Variants in LMO1 observed in about 807,000 individuals in gnomAD.
LMO1 encodes LIM domain only 1.
LMO1 carries 10 observed loss-of-function variants against 18.0 expected under a neutral mutation model. The observed-to-expected ratio is 0.55, with a 90% CI of 0.34 to 0.94. The LOEUF is 0.94. LMO1 is among the 40% of genes least tolerant of loss of function. The pLI, the probability that LMO1 is intolerant of heterozygous loss-of-function variation, is 0.02. For synonymous variants in LMO1, 77 were observed against 77.9 expected (o/e 0.99, Z 0.06); for missense variants, 183 against 205.7 (o/e 0.89, Z 0.68).
intron 1 of LMO1, among the ~76,000 whole-genome samples, chr11:8,234,227 C>T (rs1033399070): frequency 2.8e-4 from 43 of 152,240 alleles, no homozygotes; most frequent in African/African-American, 1.0e-3. Context: ...AGAAGCCTCC[C>T]AGTCTGACTC....
chr11:8,224,582 T>C lies in LMO1; in HGVS notation c.*34A>G. The C allele has an allele frequency of 7.2e-7, 1 of 1,394,132 alleles. No individual in the cohort carries two copies. Among genetic ancestry groups the C allele is most frequent in the Non-Finnish European group, 1.0e-6 (1 of 1,003,262 alleles). 86.4% of individuals were successfully genotyped at this position (1,394,132 alleles called of 1,614,324 possible). A position where few individuals can be genotyped will look rare whatever the true frequency, so the allele number is the denominator to read the frequency against. On this transcript the variant is annotated 3_prime_UTR_variant, in exon 4 of 4. Coordinates refer to ENST00000335790, the MANE Select transcript of LMO1 (RefSeq NM_002315.3). ...CCAGGCAGGTGGGCAGGCGGGCAGATGGACAGACGGGCCTGGAGGCCAGGC... is the reference window on the plus strand; with the variant it reads ...CCAGGCAGGTGGGCAGGCGGGCAGACGGACAGACGGGCCTGGAGGCCAGGC...
chr11:8,262,501 G>A (rs535980435), intron 1 of LMO1, among the ~76,000 whole-genome samples: 1 of 152,186 alleles, frequency 6.6e-6, no homozygotes, highest in Admixed American at 6.5e-5. Flanking sequence ...GTAAGGCTTT[G>A]GGGTCTATGG....
intron 1 of LMO1, among the ~76,000 whole-genome samples, chr11:8,248,027 G>T (rs1235974276): frequency 6.6e-6 from 1 of 152,008 alleles, no homozygotes; most frequent in Non-Finnish European, 1.5e-5. Flanking sequence ...GGATGTTCTG[G>T]GTCTTAACTT....
chr11:8,253,014 A>G (rs1023819180), intron 1 of LMO1, among the ~76,000 whole-genome samples: 1 of 152,238 alleles, frequency 6.6e-6, no homozygotes, highest in African/African-American at 2.4e-5. Context: ...GGCCCTGCAG[A>G]CAGCTCTCTG....
intron 1 of LMO1, among the ~76,000 whole-genome samples, chr11:8,236,007 C>A (rs1952755299): frequency 6.6e-6 from 1 of 152,200 alleles, no homozygotes; most frequent in Non-Finnish European, 1.5e-5. Flanking sequence ...CATAGTCCAG[C>A]TCCACCCAAA....
upstream of LMO1, among the ~76,000 whole-genome samples, chr11:8,264,267 C>T (rs1226998334): frequency 6.6e-6 from 1 of 152,014 alleles, no homozygotes; most frequent in Non-Finnish European, 1.5e-5. Flanking sequence ...CTGACCCCAG[C>T]AGCACCCCCA....
At chr11:8,267,576 T>C (rs1847273995), upstream of LMO1, among the ~76,000 whole-genome samples, 1 of 151,948 alleles carries the variant, frequency 6.6e-6, no homozygotes, top group Non-Finnish European at 1.5e-5. Flanking sequence ...AGGGTAGGAG[T>C]TGGACCCAGG....
intron 1 of LMO1, among the ~76,000 whole-genome samples, chr11:8,234,302 C>T (rs1042569445): frequency 5.3e-5 from 8 of 152,136 alleles, no homozygotes; most frequent in African/African-American, 1.2e-4. Context: ...GTCCAGGTGA[C>T]GGGGACGCAC....
intron 1 of LMO1, among the ~76,000 whole-genome samples, chr11:8,253,173 G>A (rs1047126764): frequency 3.3e-5 from 5 of 152,210 alleles, no homozygotes; most frequent in Non-Finnish European, 7.3e-5. Flanking sequence ...AGGAAAGTGG[G>A]AGAAGCTGCC....
upstream of LMO1, chr11:8,268,605 G>A: frequency 2.2e-6 from 1 of 446,416 alleles, no homozygotes; most frequent in Admixed American, 4.7e-5. Flanking sequence ...ACCGGAGTCC[G>A]GAGCGCAGCC....
chr11:8,253,590 CCA>C (rs1210209054), intron 1 of LMO1, among the ~76,000 whole-genome samples: 1 of 151,994 alleles, frequency 6.6e-6, no homozygotes, highest in East Asian at 1.9e-4. Flanking sequence ...GCAGGTAGCC[CCA>C]CACAGTCCTT....
intron 1 of LMO1, among the ~76,000 whole-genome samples, chr11:8,262,138 G>GC (rs765890909): frequency 6.6e-6 from 1 of 152,212 alleles, no homozygotes; most frequent in Non-Finnish European, 1.5e-5. Flanking sequence ...TAACAACGCT[G>GC]CCCCAGGGAC....
intron 1 of LMO1, among the ~76,000 whole-genome samples, chr11:8,235,890 T>C (rs1382878128): frequency 6.6e-6 from 1 of 152,272 alleles, no homozygotes; most frequent in Non-Finnish European, 1.5e-5. Context: ...CTCTGATTAG[T>C]GTCACTCTCC....
At position 8,261,541 on chromosome 11, in the gene LMO1, G is replaced by A. The variant is rs553927933; in HGVS notation, c.25+1797C>T. Among the ~76,000 whole-genome samples, 7 of 152,340 alleles carry A rather than the reference G, an allele frequency of 4.6e-5. No individual in the cohort carries two copies. In the South Asian group the frequency reaches 1.0e-3, roughly 23 times the overall value. On this transcript the variant is annotated intron_variant, in intron 1 of 3. Coordinates refer to ENST00000335790, the MANE Select transcript of LMO1 (RefSeq NM_002315.3). ...CTGAGGCCTCTCACGTACAGAGCCC[G>A]AGTCTTCTGGATTCCTGGCTTGGGC...
In LMO1 at chr11:8,224,337, C is replaced by T. The variant is rs116875451; in HGVS notation, c.*279G>A. On this transcript the variant is annotated 3_prime_UTR_variant, in exon 4 of 4. Transcript: ENST00000335790. The stretch of plus-strand genomic sequence containing the variant: ...CGGAAACATTCATAAGTTTAATCCA[C>T]GCCAGTAATAAAATCGCATTACATT... The T allele has an allele frequency of 2.0e-5, 9 of 449,924 alleles. No individual in the cohort carries two copies. Among genetic ancestry groups the T allele is most frequent in the African/African-American group, 3.8e-5 (2 of 51,960 alleles). 27.9% of individuals were successfully genotyped at this position (449,924 alleles called of 1,614,324 possible). A position where few individuals can be genotyped will look rare whatever the true frequency, so the allele number is the denominator to read the frequency against.
At position 8,263,297 on chromosome 11, in the gene LMO1, C is replaced by T. The variant is rs770366740; in HGVS notation, c.25+41G>A. 1.1e-5 allele frequency: 18 copies of T among 1,580,570 alleles called. No homozygotes were observed. In the South Asian group the frequency reaches 1.2e-4, roughly 11 times the overall value. ...TGTGCCTGCGCGCCGCGGCAGGGGG[C>T]GAGGGGGTGAGGGGCGTCGAGACCC... On this transcript the variant is annotated intron_variant, in intron 1 of 3. Coordinates refer to ENST00000335790, the MANE Select transcript of LMO1 (RefSeq NM_002315.3).
At chr11:8,248,476 T>C (rs984575653) in intron 1 of LMO1, among the ~76,000 whole-genome samples, 5 of 152,218 alleles carry the variant, frequency 3.3e-5, no homozygotes, top group Admixed American at 3.3e-4. Context: ...CAGACCACTA[T>C]ACAGACCTCT....
At chr11:8,257,288 C>T (rs1847113237) in intron 1 of LMO1, among the ~76,000 whole-genome samples, 1 of 152,190 alleles carries the variant, frequency 6.6e-6, no homozygotes, top group Non-Finnish European at 1.5e-5. Context: ...GGACACCTTG[C>T]ATGTCTCAGT....
At chr11:8,230,540 GC>G in intron 1 of LMO1, 36 bp from the exon 2 acceptor site, 1 of 1,587,782 alleles carries the variant, frequency 6.3e-7, no homozygotes, top group Non-Finnish European at 8.6e-7. Flanking sequence ...CGCAGGATGG[GC>G]CCCGTAGCTC....
Sources: allele counts gnomAD v4.1 joint callset (sites outside exome capture counted in the v4.1 genomes callset), GRCh38; gene constraint gnomAD v4.1.1; transcripts MANE v1.5; gene names NCBI Gene and HGNC (gene_info 2026-07-23, HGNC 2026-07-21).